The following NWD2 variants were observed in gnomAD, a reference collection of about 807,000 sequenced individuals.
NWD2 encodes NACHT and WD repeat domain-containing protein 2.
In NWD2, 37 loss-of-function variants were observed where a neutral mutation model predicts 132.7. The observed-to-expected ratio is 0.28, with a 90% CI of 0.21 to 0.37. NWD2 has a LOEUF of 0.37. Ranked by LOEUF, NWD2 falls within the 10% of genes least tolerant of loss-of-function variation. NWD2 has a pLI of 1.00. For synonymous variants in NWD2, 705 were observed against 803.0 expected (o/e 0.88, Z 2.06); for missense variants, 1,592 against 2,122.4 (o/e 0.75, Z 4.91).
intron 1 of NWD2, among the ~76,000 whole-genome samples, chr4:37,251,989 C>A (rs1717373476): frequency 6.6e-6 from 1 of 152,096 alleles, no homozygotes; most frequent in African/African-American, 2.4e-5. Context: ...GAGCACTGTG[C>A]TAATGATATG....
At chr4:37,317,274 A>G (rs1718976932) in intron 1 of NWD2, among the ~76,000 whole-genome samples, 1 of 152,180 alleles carries the variant, frequency 6.6e-6, no homozygotes, top group South Asian at 2.1e-4. Context: ...ACAGCTTTCA[A>G]TCTTTCTTAA....
chr4:37,315,772 A>T, intron 1 of NWD2, among the ~76,000 whole-genome samples: 1 of 150,880 alleles, frequency 6.6e-6, no homozygotes, highest in East Asian at 1.9e-4. Flanking sequence ...TTCCCACTTG[A>T]CTCTCTTCTT....
At position 37,326,042 on chromosome 4, in the gene NWD2, T is replaced by G. The variant is rs985924673; in HGVS notation, c.240+18T>G. On this transcript the variant is annotated intron_variant, in intron 2 of 6. Transcript: ENST00000309447. ...AATTTCAGGTAATTCTAGTGTTAAT[T>G]TCATTCACAGTTATGTCCAGTTAAA... 1.4e-6 allele frequency: 2 copies of G among 1,410,510 alleles called. No homozygotes were observed. The highest frequency in any genetic ancestry group is 2.0e-6 in the Non-Finnish European group (2 of 1,019,842). 87.4% of individuals were successfully genotyped at this position (1,410,510 alleles called of 1,614,324 possible).
At chr4:37,253,247 G>C (rs1385065278) in intron 1 of NWD2, among the ~76,000 whole-genome samples, 1 of 152,200 alleles carries the variant, frequency 6.6e-6, no homozygotes, top group Non-Finnish European at 1.5e-5. Flanking sequence ...AGACTAAAGA[G>C]TTTGCAGATA....
chr4:37,378,735 T>A (rs1358057820), intron 3 of NWD2, among the ~76,000 whole-genome samples: 1 of 152,220 alleles, frequency 6.6e-6, no homozygotes, highest in African/African-American at 2.4e-5. Context: ...CTAAATGTAA[T>A]TTTGTAAATC....
chr4:37,325,407 G>C (rs1010889895), intron 1 of NWD2, among the ~76,000 whole-genome samples: 1 of 152,172 alleles, frequency 6.6e-6, no homozygotes, highest in African/African-American at 2.4e-5. Context: ...GATCTGCTAT[G>C]ATAGGTTTTC....
chr4:37,379,617 C>T (rs564681042), intron 3 of NWD2, among the ~76,000 whole-genome samples: 1 of 152,132 alleles, frequency 6.6e-6, no homozygotes, highest in Non-Finnish European at 1.5e-5. Flanking sequence ...TGGAGCAGAA[C>T]TAACCCAGAC....
chr4:37,251,821 CA>C (rs1324505688), intron 1 of NWD2, among the ~76,000 whole-genome samples: 2 of 152,110 alleles, frequency 1.3e-5, no homozygotes, highest in South Asian at 2.1e-4. Context: ...AGTATCTAGC[CA>C]GGGGGAAGCA....
At chr4:37,390,647 C>T (rs956421634) in intron 3 of NWD2, among the ~76,000 whole-genome samples, 1 of 152,100 alleles carries the variant, frequency 6.6e-6, no homozygotes, top group African/African-American at 2.4e-5. Flanking sequence ...AGACTTACTG[C>T]CTTAAATCCA....
At chr4:37,283,298 C>T (rs552057464) in intron 1 of NWD2, among the ~76,000 whole-genome samples, 16 of 152,222 alleles carry the variant, frequency 1.1e-4, no homozygotes, top group Middle Eastern at 6.8e-3. Flanking sequence ...GAAAAAATTA[C>T]CCTGAGGACC....
At chr4:37,391,167 C>T (rs1720673070) in intron 3 of NWD2, among the ~76,000 whole-genome samples, 1 of 152,114 alleles carries the variant, frequency 6.6e-6, no homozygotes, top group African/African-American at 2.4e-5. Flanking sequence ...TTGTCTCTTG[C>T]TAATAACTAG....
At chr4:37,424,050 G>A (rs2109323810) in intron 3 of NWD2, among the ~76,000 whole-genome samples, 1 of 152,164 alleles carries the variant, frequency 6.6e-6, no homozygotes, top group Non-Finnish European at 1.5e-5. Context: ...CTTAATATTG[G>A]CCATGAGCTC....
Position 37,244,825 on chromosome 4 carries a change from A to C in NWD2, c.-243A>C. 4.0e-6 allele frequency: 2 copies of C among 495,796 alleles called. No individual in the cohort carries two copies. Among genetic ancestry groups the C allele is most frequent in the South Asian group, 5.2e-5 (2 of 38,288 alleles). 30.7% of individuals were successfully genotyped at this position (495,796 alleles called of 1,614,324 possible). A position where few individuals can be genotyped will look rare whatever the true frequency, so the allele number is the denominator to read the frequency against. On this transcript the variant is annotated 5_prime_UTR_variant, in exon 1 of 7. Transcript: ENST00000309447. The surrounding 1 kb of genome is among the most constrained non-coding windows in gnomAD (Gnocchi z 5.5). ...TGCTCGGAGCCCTAGCAGCGGGCGA[A>C]GGCGGAGGCCCAGAAGGGCAGGAGA...
At chr4:37,426,261 T>C (rs978296851) in intron 3 of NWD2, among the ~76,000 whole-genome samples, 19 of 152,102 alleles carry the variant, frequency 1.2e-4, no homozygotes, top group African/African-American at 4.6e-4. Flanking sequence ...TCCTAAAAAT[T>C]AACTGATTCA....
chr4:37,369,100 A>G (rs1720161999), intron 3 of NWD2, among the ~76,000 whole-genome samples: 1 of 152,180 alleles, frequency 6.6e-6, no homozygotes, highest in Non-Finnish European at 1.5e-5. Flanking sequence ...TGCCCAGATT[A>G]TTAGCTCTTC....
rs144381722 is a variant in NWD2, at chr4:37,341,919, A to C, written c.241-14447A>C. On this transcript the variant is annotated intron_variant, in intron 2 of 6. Coordinates refer to ENST00000309447, the MANE Select transcript of NWD2 (RefSeq NM_001144990.2). ...GTGTGGCTAATGGGTGAGAGGGAGCAAGAATTTAAGCAGGGAGATACTTTA... is the reference window on the plus strand; with the variant it reads ...GTGTGGCTAATGGGTGAGAGGGAGCCAGAATTTAAGCAGGGAGATACTTTA... 4.9e-4 allele frequency among the ~76,000 whole-genome samples: 75 copies of C among 152,318 alleles called. No homozygotes were observed. The East Asian group carries it at 0.012, about 24-fold the overall frequency.
Position 37,293,885 on chromosome 4 carries a change from T to TAA in NWD2, c.152-32036_152-32035dup, listed in dbSNP as rs10579771. On this transcript the variant is annotated intron_variant, in intron 1 of 6. Coordinates refer to ENST00000309447, the MANE Select transcript of NWD2 (RefSeq NM_001144990.2). ...TGTTAAGCCCAGGGCACACTGCATT[T>TAA]AAAAAAAAAAAAAAAAGATTTGGAC... is the stretch of plus-strand genomic sequence containing the variant. Among the ~76,000 whole-genome samples, 308 of 146,676 alleles carry TAA rather than the reference T, an allele frequency of 2.1e-3. 4 individuals are homozygous for TAA. The highest frequency in any genetic ancestry group is 0.011 in the Middle Eastern group (3 of 284).
intron 2 of NWD2, 75 bp downstream of exon 2, chr4:37,326,099 G>C: frequency 1.0e-6 from 1 of 998,888 alleles, no homozygotes; most frequent in South Asian, 1.6e-5. Context: ...CACAACTTGA[G>C]TGTTGTAAAA....
intron 1 of NWD2, among the ~76,000 whole-genome samples, chr4:37,292,460 C>A (rs1370846446): frequency 6.6e-6 from 1 of 151,876 alleles, no homozygotes; most frequent in East Asian, 1.9e-4. Flanking sequence ...ATCTTCAGTG[C>A]CTTGATCTTG....
Sources: gnomAD v4.1 joint callset for allele counts (sites outside exome capture counted in the v4.1 genomes callset) on GRCh38, gnomAD v4.1.1 for gene constraint, Gnocchi (gnomAD v3.1) non-coding constraint, MANE v1.5 for transcripts, NCBI Gene and HGNC (gene_info 2026-07-23, HGNC 2026-07-21) for gene names.